Variants in CPED1 observed in about 807,000 individuals in gnomAD.
CPED1 encodes cadherin-like and PC-esterase domain-containing protein 1.
Under a neutral mutation model 128.2 loss-of-function variants are expected in CPED1, and 114 were observed. The observed-to-expected ratio is 0.89, with a 90% CI of 0.76 to 1.04. The LOEUF is 1.04. CPED1 is among the 50% of genes least tolerant of loss of function. CPED1 has a pLI of 0.00. For missense variants in CPED1, 1,211 were observed against 1,207.1 expected (o/e 1.00, Z -0.05); for synonymous variants, 462 against 426.7 (o/e 1.08, Z -1.02).
rs1792663016 is a variant in CPED1 at position 121,290,056 on chromosome 7, G to A, written c.2869-5384G>A. The stretch of plus-strand genomic sequence containing the variant: ...CCACTTACGAGTGAGACCATGCGGT[G>A]TTTGGTTTTCTGTTCCTGTGTTAGT... On this transcript the variant is annotated intron_variant, in intron 22 of 22. Transcript: ENST00000310396. Among the ~76,000 whole-genome samples the A allele has an allele frequency of 5.9e-5, 9 of 152,214 alleles. No individual in the cohort carries two copies. In the South Asian group the frequency reaches 1.5e-3, roughly 25 times the overall value.
intron 4 of CPED1, among the ~76,000 whole-genome samples, chr7:121,053,721 T>C (rs1793421091): frequency 6.6e-6 from 1 of 152,246 alleles, no homozygotes; most frequent in Non-Finnish European, 1.5e-5. Context: ...TTTCTCTTAT[T>C]ACTTTCATAA....
At chr7:121,265,394 G>A (rs1283079505) in intron 18 of CPED1, among the ~76,000 whole-genome samples, 1 of 151,920 alleles carries the variant, frequency 6.6e-6, no homozygotes. Flanking sequence ...TTAAAAGTGA[G>A]GACTATGTGT....
At chr7:121,192,849 T>C (rs2116534482) in intron 16 of CPED1, among the ~76,000 whole-genome samples, 1 of 152,188 alleles carries the variant, frequency 6.6e-6, no homozygotes, top group South Asian at 2.1e-4. Flanking sequence ...ACAGACAAAA[T>C]AGATATGATT....
At chr7:121,160,218 C>A (rs1479063380) in intron 16 of CPED1, among the ~76,000 whole-genome samples, 1 of 152,088 alleles carries the variant, frequency 6.6e-6, no homozygotes, top group African/African-American at 2.4e-5. Flanking sequence ...CATTACATCA[C>A]TATTACATTA....
At chr7:121,130,468 G>A (rs912747992) in intron 12 of CPED1, among the ~76,000 whole-genome samples, 174 bp downstream of exon 12, 1 of 152,052 alleles carries the variant, frequency 6.6e-6, no homozygotes, top group Non-Finnish European at 1.5e-5. Flanking sequence ...GATTCTAGTG[G>A]TCTTCAAACA....
intron 16 of CPED1, among the ~76,000 whole-genome samples, chr7:121,181,101 G>A (rs1445977123): frequency 6.6e-6 from 1 of 152,094 alleles, no homozygotes; most frequent in East Asian, 1.9e-4. Context: ...GAGATGAAGT[G>A]TGATGATTCT....
At position 121,086,546 on chromosome 7, in the gene CPED1, C is replaced by T. The variant is rs532108570; in HGVS notation, c.617-11153C>T. Among the ~76,000 whole-genome samples, 261 of 152,248 alleles carry T rather than the reference C, an allele frequency of 1.7e-3. 1 individual carries two copies. Among genetic ancestry groups the T allele is most frequent in the African/African-American group, 6.0e-3 (250 of 41,538 alleles). ...TGAGTCTTATGTTGATTTTGAAAAT[C>T]ATTTGGGCACTAGTGAGAAACATGT... is the stretch of plus-strand genomic sequence containing the variant. On this transcript the variant is annotated intron_variant, in intron 5 of 22. Coordinates refer to ENST00000310396, the MANE Select transcript of CPED1 (RefSeq NM_024913.5).
intron 3 of CPED1, among the ~76,000 whole-genome samples, chr7:121,020,343 T>A (rs1235343358): frequency 6.6e-6 from 1 of 152,030 alleles, no homozygotes; most frequent in Non-Finnish European, 1.5e-5. Flanking sequence ...TTTTTGTAAA[T>A]AAAGTTTTAT....
At chr7:121,112,847 T>G (rs904974630) in intron 7 of CPED1, among the ~76,000 whole-genome samples, 8 of 152,148 alleles carry the variant, frequency 5.3e-5, no homozygotes, top group African/African-American at 1.9e-4. Context: ...ACTGCCACAC[T>G]AATGAAATAC....
chr7:121,144,765 G>A (rs566894292), intron 16 of CPED1, among the ~76,000 whole-genome samples: 12 of 151,830 alleles, frequency 7.9e-5, no homozygotes, highest in South Asian at 2.1e-4. Context: ...ATTACACATT[G>A]TATACTTATA....
At chr7:121,217,230 G>A (rs1797778633) in intron 16 of CPED1, among the ~76,000 whole-genome samples, 1 of 151,772 alleles carries the variant, frequency 6.6e-6, no homozygotes. Flanking sequence ...CCTGGCCACA[G>A]TTTTTGCCTC....
At chr7:121,272,422 G>T (rs576224635) in intron 22 of CPED1, among the ~76,000 whole-genome samples, 59 of 151,702 alleles carry the variant, frequency 3.9e-4, no homozygotes, top group Non-Finnish European at 8.8e-5. Context: ...GCCTTGGAGA[G>T]CCCCCTCCCC....
chr7:121,238,022 A>G (rs1266740746), intron 17 of CPED1, among the ~76,000 whole-genome samples: 1 of 152,184 alleles, frequency 6.6e-6, no homozygotes, highest in Non-Finnish European at 1.5e-5. Context: ...TCAGATGACA[A>G]TTTACGAGAA....
intron 2 of CPED1, chr7:120,994,010 G>C: frequency 3.8e-6 from 1 of 262,330 alleles, no homozygotes; most frequent in Non-Finnish European, 8.1e-6. Context: ...TCAGTACTGT[G>C]AGTAGGAGCT....
intron 22 of CPED1, among the ~76,000 whole-genome samples, chr7:121,288,999 C>T (rs998427773): frequency 2.6e-5 from 4 of 152,164 alleles, no homozygotes; most frequent in Non-Finnish European, 5.9e-5. Context: ...CATTGATGCA[C>T]CTCTCCTGTC....
In CPED1 at chr7:121,260,234, T is replaced by TTG. The variant is rs1791983899; in HGVS notation, c.2311-5992_2311-5991insGT. ...GTTGCTTGCTTCGCGTTTTTTTTTT[T>TTG]TTTTTTTTTTTTTTGCCAAATTTTA... is the stretch of plus-strand genomic sequence containing the variant. On this transcript the variant is annotated intron_variant, in intron 18 of 22. Transcript: ENST00000310396. Among the ~76,000 whole-genome samples the TTG allele has an allele frequency of 3.4e-5, 5 of 149,028 alleles. 1 individual carries two copies. The South Asian group carries it at 1.1e-3, about 32-fold the overall frequency.
intron 7 of CPED1, among the ~76,000 whole-genome samples, chr7:121,103,664 CATA>C (rs1383074159): frequency 6.6e-6 from 1 of 151,928 alleles, no homozygotes; most frequent in Non-Finnish European, 1.5e-5. Context: ...TTCCACAAAA[CATA>C]ATTTTGTGTG....
chr7:121,289,960 C>T (rs1261797779), intron 22 of CPED1, among the ~76,000 whole-genome samples: 4 of 152,084 alleles, frequency 2.6e-5, no homozygotes, highest in African/African-American at 4.8e-5. Flanking sequence ...TCTCCTTTCC[C>T]CCGAACTCCT....
At chr7:121,120,991 A>C (rs913272190) in intron 7 of CPED1, among the ~76,000 whole-genome samples, 4 of 150,416 alleles carry the variant, frequency 2.7e-5, no homozygotes, top group South Asian at 2.1e-4. Context: ...AAAAAAACAA[A>C]AAAACTCACA....
Sources: gnomAD v4.1 joint callset for allele counts (sites outside exome capture counted in the v4.1 genomes callset) on GRCh38, gnomAD v4.1.1 for gene constraint, MANE v1.5 for transcripts, NCBI Gene and HGNC (gene_info 2026-07-23, HGNC 2026-07-21) for gene names.